The following CPLX1 variants were observed in gnomAD, a reference collection of about 807,000 sequenced individuals.
The protein encoded by CPLX1 is complexin-1.
CPLX1 carries 6 observed loss-of-function variants against 15.6 expected under a neutral mutation model. That is an observed-to-expected ratio of 0.39 (90% CI 0.21 to 0.76). The LOEUF is 0.76. CPLX1 is among the 30% of genes least tolerant of loss of function. The pLI is 0.43. For synonymous variants in CPLX1, 91 were observed against 75.2 expected (o/e 1.21, Z -1.08); for missense variants, 242 against 188.6 (o/e 1.28, Z -1.66).
intron 2 of CPLX1, among the ~76,000 whole-genome samples, chr4:806,387 T>A (rs183873865): frequency 2.0e-5 from 3 of 152,276 alleles, no homozygotes; most frequent in Middle Eastern, 3.4e-3. Flanking sequence ...ACACCTTATA[T>A]AAAAATTAAC....
intron 1 of CPLX1, among the ~76,000 whole-genome samples, chr4:825,710 T>G (rs1746967555): frequency 7.1e-6 from 1 of 141,128 alleles, no homozygotes; most frequent in African/African-American, 2.7e-5. Flanking sequence ...ACCGCGGCAG[T>G]GGACAGCGCC....
chr4:824,710 C>G (rs1440083350), intron 1 of CPLX1, 109 bp from the exon 2 acceptor site: 1 of 721,118 alleles, frequency 1.4e-6, no homozygotes, highest in South Asian at 1.5e-5. Context: ...GACCCTCCCC[C>G]ACCTGGAGCG....
intron 2 of CPLX1, among the ~76,000 whole-genome samples, chr4:812,367 G>A (rs1447911702): frequency 2.6e-5 from 4 of 152,194 alleles, no homozygotes; most frequent in South Asian, 4.2e-4. Context: ...AGGAGCCACC[G>A]CACCCAGCAG....
At chr4:813,931 A>G (rs1009199846) in intron 2 of CPLX1, among the ~76,000 whole-genome samples, 8 of 152,236 alleles carry the variant, frequency 5.3e-5, no homozygotes, top group Non-Finnish European at 1.2e-4. Context: ...ATCCAGGGAA[A>G]GTCTCTGACA....
chr4:810,384 C>G (rs1418150455), intron 2 of CPLX1, among the ~76,000 whole-genome samples: 2 of 152,298 alleles, frequency 1.3e-5, no homozygotes, highest in Non-Finnish European at 2.9e-5. Flanking sequence ...GGGTCAACGT[C>G]TAGGAGCAGA....
At chr4:802,383 C>A (rs185012120) in intron 2 of CPLX1, among the ~76,000 whole-genome samples, 1 of 152,310 alleles carries the variant, frequency 6.6e-6, no homozygotes, top group East Asian at 1.9e-4. Flanking sequence ...TGGGGCCAGG[C>A]AGACTTAACC....
At chr4:818,597 C>T (rs1370367961) in intron 2 of CPLX1, among the ~76,000 whole-genome samples, 1 of 152,232 alleles carries the variant, frequency 6.6e-6, no homozygotes, top group East Asian at 1.9e-4. Context: ...GCCAAGGCCC[C>T]CCGTCCACAC....
chr4:802,933 A>G (rs2152645578), intron 2 of CPLX1, among the ~76,000 whole-genome samples: 1 of 149,928 alleles, frequency 6.7e-6, no homozygotes, highest in Admixed American at 6.6e-5. Flanking sequence ...CCTGAGCATT[A>G]GAGTGAGACT....
rs192109985 is a variant in CPLX1 at position 803,606 on chromosome 4, C to T, written c.32-10998G>A. ...TAGAGACGGGGTTTCACCGTGGTCTCGATCTCCTGACCTCGTGATCTGCCC... is the reference window on the plus strand; with the variant it reads ...TAGAGACGGGGTTTCACCGTGGTCTTGATCTCCTGACCTCGTGATCTGCCC... On this transcript the variant is annotated intron_variant, in intron 2 of 3. Transcript: ENST00000304062. 9.9e-4 allele frequency among the ~76,000 whole-genome samples: 149 copies of T among 150,022 alleles called. 4 individuals carry two copies. The South Asian group carries it at 0.029, about 30-fold the overall frequency.
intron 2 of CPLX1, among the ~76,000 whole-genome samples, chr4:797,757 C>A (rs1408880159): frequency 6.6e-6 from 1 of 151,496 alleles, no homozygotes; most frequent in African/African-American, 2.4e-5. Context: ...CACAATGAGA[C>A]CCCGTCTCTA....
chr4:792,080 C>T (rs988973283), intron 3 of CPLX1, among the ~76,000 whole-genome samples: 2 of 152,124 alleles, frequency 1.3e-5, no homozygotes, highest in African/African-American at 4.8e-5. Flanking sequence ...CACTCCAGGC[C>T]GGGCTCACCT....
intron 2 of CPLX1, among the ~76,000 whole-genome samples, chr4:808,561 G>A (rs936141182): frequency 2.0e-5 from 3 of 152,174 alleles, no homozygotes; most frequent in Non-Finnish European, 2.9e-5. Flanking sequence ...AAACGAATCC[G>A]TCCAGAAAGA....
chr4:821,828 C>T (rs1256964347), intron 2 of CPLX1, among the ~76,000 whole-genome samples: 1 of 152,180 alleles, frequency 6.6e-6, no homozygotes, highest in Non-Finnish European at 1.5e-5. Context: ...AGCGTTGGGT[C>T]AGATGAGCAG....
Position 797,466 on chromosome 4 carries a change from T to A in CPLX1, c.32-4858A>T, listed in dbSNP as rs1009949086. Among the ~76,000 whole-genome samples, 18 of 152,322 alleles carry A rather than the reference T, an allele frequency of 1.2e-4. 3 individuals are homozygous for A. Among genetic ancestry groups the A allele is most frequent in the East Asian group, 1.9e-4 (1 of 5,152 alleles). On this transcript the variant is annotated intron_variant, in intron 2 of 3. Coordinates refer to ENST00000304062, the MANE Select transcript of CPLX1 (RefSeq NM_006651.4). Reference sequence around the variant, plus strand: ...CCTCAGCCTCCCAAGTAGCCAGGATTACAGGCGTCTGCCACCATGCCTAAC... The same window carrying A: ...CCTCAGCCTCCCAAGTAGCCAGGATAACAGGCGTCTGCCACCATGCCTAAC...
At chr4:788,437 G>T in intron 3 of CPLX1, 1 of 985,404 alleles carries the variant, frequency 1.0e-6, no homozygotes, top group African/African-American at 1.7e-5. Flanking sequence ...AGGAGAGAGG[G>T]GCCGTGGGCT....
In CPLX1 at chr4:786,467, CG is replaced by C. The variant is rs1192478459; in HGVS notation, c.*33del. ...CGCGGAGGATCTGTAGGGGGAGGGG[CG>C]GGGGCTCCGCGGGGCCGCTGTCCCG... On this transcript the variant is annotated 3_prime_UTR_variant, in exon 4 of 4. Transcript: ENST00000304062. 4 of 1,512,552 alleles carry C rather than the reference CG, an allele frequency of 2.6e-6. No individual in the cohort carries two copies. The highest frequency in any genetic ancestry group is 2.8e-5 in the African/African-American group (2 of 71,400). The allele number at this position is 1,512,552 out of a possible 1,614,324, so 93.7% of individuals were successfully genotyped here.
At chr4:792,761 C>T (rs1412329167) in intron 2 of CPLX1, 153 bp from the exon 3 acceptor site, 59 of 767,934 alleles carry the variant, frequency 7.7e-5, no homozygotes, top group Middle Eastern at 3.9e-4. Flanking sequence ...GCCGCTCCTC[C>T]CACCTCCATC....
chr4:824,401 C>T (rs373260378), intron 2 of CPLX1, 91 bp downstream of exon 2: 24 of 1,183,466 alleles, frequency 2.0e-5, no homozygotes, highest in African/African-American at 4.5e-5. Context: ...GCTGCAGGGG[C>T]GCTGCTGCGG....
At chr4:816,250 A>T (rs2081825938) in intron 2 of CPLX1, among the ~76,000 whole-genome samples, 2 of 125,468 alleles carry the variant, frequency 1.6e-5, no homozygotes, top group East Asian at 2.3e-4. Flanking sequence ...ACAGAGTCTC[A>T]CTCTGTCACC....
Sources: allele counts gnomAD v4.1 joint callset (sites outside exome capture counted in the v4.1 genomes callset), GRCh38; gene constraint gnomAD v4.1.1; transcripts MANE v1.5; gene names NCBI Gene and HGNC (gene_info 2026-07-23, HGNC 2026-07-21).